NECAB2: variants seen among roughly 807,000 people sequenced by gnomAD.
The protein encoded by NECAB2 is N-terminal EF-hand calcium binding protein 2, also known as N-terminal EF-hand calcium-binding protein 2.
NECAB2 carries 68 observed loss-of-function variants against 51.9 expected under a neutral mutation model. The ratio of observed to expected loss-of-function variants is 1.31; its 90% CI spans 1.08 to 1.60. NECAB2 has a LOEUF of 1.60. Among genes scored for constraint, NECAB2 ranks in the 40% most tolerant of loss-of-function variants. The probability of loss-of-function intolerance (pLI) is 0.00; values close to 1 mark genes in which losing one functional copy is unlikely to be tolerated. For missense variants in NECAB2, 854 were observed against 490.3 expected, an observed-to-expected ratio of 1.74 and a Z score of -7.00; for synonymous variants, 329 against 203.5, an observed-to-expected ratio of 1.62 and a Z score of -5.25.
At chr16:83,994,563 C>T (rs1439784064) in intron 7 of NECAB2, 46 bp from the exon 8 acceptor site, 12 of 1,611,232 alleles carry the variant, frequency 7.4e-6, no homozygotes, top group South Asian at 3.3e-5. Flanking sequence ...CCGAAGCCCT[C>T]GTCCTGCCCA....
At chr16:83,987,697 T>G (rs921793994) in intron 5 of NECAB2, among the ~76,000 whole-genome samples, 1 of 152,102 alleles carries the variant, frequency 6.6e-6, no homozygotes, top group South Asian at 2.1e-4. Flanking sequence ...TTGTTAGGTA[T>G]ATTAGATTAT....
chr16:83,970,172 A>G (rs987106865), intron 1 of NECAB2, among the ~76,000 whole-genome samples: 7 of 151,838 alleles, frequency 4.6e-5, no homozygotes, highest in African/African-American at 1.7e-4. Context: ...CTGAGGTTCC[A>G]TCTCCTCACC....
chr16:83,991,123 C>T (rs750866871), intron 6 of NECAB2, among the ~76,000 whole-genome samples: 1 of 151,926 alleles, frequency 6.6e-6, no homozygotes, highest in Non-Finnish European at 1.5e-5. Context: ...GCTGGGACTG[C>T]AGGTGTGTAA....
intron 2 of NECAB2, among the ~76,000 whole-genome samples, chr16:83,974,011 G>A (rs1195712162): frequency 1.3e-5 from 2 of 150,700 alleles, no homozygotes; most frequent in Non-Finnish European, 2.9e-5. Flanking sequence ...CTTGCTGCAG[G>A]CTCCCCCCAT....
chr16:83,981,051 G>C lies in NECAB2; in HGVS notation c.383G>C (p.Gly128Ala), dbSNP rs757537643. 2.5e-6 allele frequency: 4 copies of C among 1,614,160 alleles called. No individual in the cohort carries two copies. The highest frequency in any genetic ancestry group is 2.5e-6 in the Non-Finnish European group (3 of 1,180,016). The stretch of plus-strand genomic sequence containing the variant: ...CCAGATTACTTTGTGGACCACATGG[G>C]TGACTATGAGGATGTCCTGGCCTCC... Reference protein sequence around the residue: ...ELCDYFVDHMGDYEDVLASLE... With the variant: ...ELCDYFVDHMADYEDVLASLE... Residue 128 changes from glycine to alanine, a missense_variant, in exon 5 of 13, where the codon GGT (glycine) becomes GCT (alanine). Coordinates refer to ENST00000305202, the MANE Select transcript of NECAB2 (RefSeq NM_019065.3).
At chr16:83,988,379 T>C (rs2084580871) in intron 5 of NECAB2, among the ~76,000 whole-genome samples, 1 of 152,346 alleles carries the variant, frequency 6.6e-6, no homozygotes, top group African/African-American at 2.4e-5. Context: ...ACATTATTAT[T>C]AAGATTCTTA....
rs78147818 is a variant in NECAB2, at chr16:83,988,330, C to A, written c.460-2164C>A. ...ATCATGGATTATGATTTGGAATGTA[C>A]AATTCCTAGTTTTCACTTCATCAGT... is the stretch of plus-strand genomic sequence containing the variant. On this transcript the variant is annotated intron_variant, in intron 5 of 12. Transcript: ENST00000305202. Among the ~76,000 whole-genome samples, 833 of 152,154 alleles carry A rather than the reference C, an allele frequency of 5.5e-3. 8 individuals are homozygous for A. Among genetic ancestry groups the A allele is most frequent in the African/African-American group, 0.019 (803 of 41,516 alleles).
chr16:83,996,289 C>T (rs1489505576), intron 8 of NECAB2, among the ~76,000 whole-genome samples: 1 of 152,228 alleles, frequency 6.6e-6, no homozygotes, highest in Non-Finnish European at 1.5e-5. Context: ...ACCTTCACCA[C>T]TTACCAAGGC....
chr16:83,993,224 C>T (rs936865374), intron 6 of NECAB2, among the ~76,000 whole-genome samples: 4 of 152,184 alleles, frequency 2.6e-5, no homozygotes, highest in African/African-American at 9.7e-5. Context: ...GCTCAGACCC[C>T]ACCACCCGGG....
At chr16:83,967,884 G>C (rs1184581115), upstream of NECAB2, among the ~76,000 whole-genome samples, 2 of 150,898 alleles carry the variant, frequency 1.3e-5, no homozygotes, top group African/African-American at 4.9e-5. Flanking sequence ...TTGGGAGGGT[G>C]GGTGGATGGA....
At chr16:83,979,543 A>G (rs2084458181) in intron 3 of NECAB2, among the ~76,000 whole-genome samples, 1 of 152,294 alleles carries the variant, frequency 6.6e-6, no homozygotes, top group Admixed American at 6.5e-5. Context: ...AGACTGCAGA[A>G]TGGAGAACTG....
chr16:83,988,602 C>A (rs1244294357), intron 5 of NECAB2, among the ~76,000 whole-genome samples: 1 of 152,110 alleles, frequency 6.6e-6, no homozygotes, highest in Non-Finnish European at 1.5e-5. Flanking sequence ...CATAACTTCC[C>A]CATATGAAGA....
intron 10 of NECAB2, 40 bp downstream of exon 10, chr16:83,998,357 G>A: frequency 6.3e-7 from 1 of 1,590,760 alleles, no homozygotes; most frequent in Admixed American, 1.7e-5. Flanking sequence ...TGGTGGCAGG[G>A]AGCTCTGCCT....
Position 83,990,548 on chromosome 16 carries a change from G to T in NECAB2, c.514G>T (p.Glu172Ter). 1 of 1,614,164 alleles carries T rather than the reference G, an allele frequency of 6.2e-7. No homozygotes were observed. Among genetic ancestry groups the T allele is most frequent in the Non-Finnish European group, 8.5e-7 (1 of 1,180,034 alleles). The part of the protein sequence containing the change: ...DQFVTRFLLK[E>*]TANQIQSLLS... ...GTTTGTGACCCGCTTCCTCCTGAAG[G>T]AGACGGCCAATCAGATCCAGTCGCT... Residue 172 changes from glutamate to a stop codon, truncating the protein, a stop_gained, in exon 6 of 13, where the codon GAG becomes TAG. Coordinates refer to ENST00000305202, the MANE Select transcript of NECAB2 (RefSeq NM_019065.3). LOFTEE classifies it high-confidence loss of function.
chr16:83,965,911 G>A (rs1333245737), upstream of NECAB2: 5 of 1,612,806 alleles, frequency 3.1e-6, no homozygotes, highest in Middle Eastern at 1.7e-4. Flanking sequence ...ACGCCATGGG[G>A]CCGCTGGCCG....
intron 8 of NECAB2, 94 bp from the exon 9 acceptor site, chr16:83,997,122 A>C: frequency 2.0e-6 from 3 of 1,488,018 alleles, no homozygotes; most frequent in South Asian, 2.3e-5. Context: ...GGTCCTTGGG[A>C]GCTCCCAACA....
chr16:83,977,402 C>A (rs182956464), intron 2 of NECAB2, among the ~76,000 whole-genome samples: 1 of 152,088 alleles, frequency 6.6e-6, no homozygotes, highest in Non-Finnish European at 1.5e-5. Flanking sequence ...GCTTAGGGAC[C>A]GCCTCCCAGA....
rs2084313813 is a variant in NECAB2 at position 83,968,593 on chromosome 16, G to T, written c.-56G>T. On this transcript the variant is annotated 5_prime_UTR_variant, in exon 1 of 13. Transcript: ENST00000305202. ...CGGGGAGGGGGTCGCGCGGGGGCGGGCCGCAGCTGGGCGGGGGTCGGCGGG... is the reference window on the plus strand; with the variant it reads ...CGGGGAGGGGGTCGCGCGGGGGCGGTCCGCAGCTGGGCGGGGGTCGGCGGG... The T allele has an allele frequency of 2.1e-6, 2 of 967,568 alleles. No homozygotes were observed. Among genetic ancestry groups the T allele is most frequent in the Non-Finnish European group, 2.4e-6 (2 of 817,162 alleles). 59.9% of individuals were successfully genotyped at this position (967,568 alleles called of 1,614,324 possible).
At chr16:84,000,203 C>A (rs1460606201) in intron 10 of NECAB2, among the ~76,000 whole-genome samples, 1 of 152,168 alleles carries the variant, frequency 6.6e-6, no homozygotes, top group East Asian at 1.9e-4. Context: ...CATCCAGCCA[C>A]CTGGTTTTGT....
Sources: allele counts gnomAD v4.1 joint callset (sites outside exome capture counted in the v4.1 genomes callset), GRCh38; gene constraint gnomAD v4.1.1; transcripts MANE v1.5; gene names NCBI Gene and HGNC (gene_info 2026-07-23, HGNC 2026-07-21).